The following SPOCK3 variants were observed in gnomAD, a reference collection of about 807,000 sequenced individuals.
The protein encoded by SPOCK3 is SPARC (osteonectin), cwcv and kazal like domains proteoglycan 3.
Under a neutral mutation model 56.6 loss-of-function variants are expected in SPOCK3, and 30 were observed. The ratio of observed to expected loss-of-function variants is 0.53; its 90% CI spans 0.40 to 0.72. SPOCK3 has a LOEUF of 0.72. Ranked by LOEUF, SPOCK3 falls within the 30% of genes least tolerant of loss-of-function variation. SPOCK3 has a pLI of 0.00. For missense variants in SPOCK3, 527 were observed against 530.0 expected (o/e 0.99, Z 0.06); for synonymous variants, 196 against 183.3 (o/e 1.07, Z -0.56).
intron 6 of SPOCK3, among the ~76,000 whole-genome samples, chr4:166,873,161 C>G (rs1469131014): frequency 6.7e-6 from 1 of 149,334 alleles, no homozygotes; most frequent in Non-Finnish European, 1.5e-5. Flanking sequence ...GGGGACAAAC[C>G]AAACCAAAGC....
At chr4:167,193,608 T>C (rs911258611) in intron 2 of SPOCK3, among the ~76,000 whole-genome samples, 3 of 145,984 alleles carry the variant, frequency 2.1e-5, no homozygotes, top group Non-Finnish European at 4.5e-5. Flanking sequence ...CACTATATAT[T>C]TGTCTTTATC....
chr4:167,078,624 T>C (rs1289483612), intron 2 of SPOCK3, among the ~76,000 whole-genome samples: 2 of 151,800 alleles, frequency 1.3e-5, no homozygotes, highest in Non-Finnish European at 2.9e-5. Context: ...TATTAAGTTT[T>C]CTTTGAATAA....
At chr4:166,996,275 C>T (rs1032694649) in intron 4 of SPOCK3, among the ~76,000 whole-genome samples, 1 of 152,114 alleles carries the variant, frequency 6.6e-6, no homozygotes, top group Non-Finnish European at 1.5e-5. Flanking sequence ...CTTACTCTGT[C>T]TTATTATGCC....
At chr4:166,919,862 A>AT (rs1402041024) in intron 4 of SPOCK3, among the ~76,000 whole-genome samples, 3 of 152,110 alleles carry the variant, frequency 2.0e-5, no homozygotes, top group Non-Finnish European at 2.9e-5. Context: ...TTAGAAAGTT[A>AT]TTTTTTCTTT....
chr4:167,027,803 T>C (rs1751840778), intron 3 of SPOCK3, among the ~76,000 whole-genome samples: 1 of 152,050 alleles, frequency 6.6e-6, no homozygotes, highest in Non-Finnish European at 1.5e-5. Context: ...TCAAGTTGAG[T>C]AAGCCGAGGA....
intron 2 of SPOCK3, among the ~76,000 whole-genome samples, chr4:167,193,061 A>T (rs1407306418): frequency 1.4e-5 from 2 of 146,254 alleles, no homozygotes; most frequent in Non-Finnish European, 1.5e-5. Context: ...AAGAATGTGT[A>T]TTCTGCTGCT....
intron 2 of SPOCK3, among the ~76,000 whole-genome samples, chr4:167,188,041 T>C (rs1459090236): frequency 8.7e-6 from 1 of 115,520 alleles, no homozygotes; most frequent in Non-Finnish European, 1.8e-5. Context: ...CATAAAAGAG[T>C]CTGCTGCTAA....
chr4:166,872,053 CAT>C (rs200685162), intron 6 of SPOCK3, among the ~76,000 whole-genome samples: 3 of 24,236 alleles, frequency 1.2e-4, no homozygotes, highest in Admixed American at 4.2e-4. Context: ...AACACACAAA[CAT>C]ACACACACAC....
intron 6 of SPOCK3, among the ~76,000 whole-genome samples, chr4:166,831,076 C>A (rs1489236493): frequency 6.6e-6 from 1 of 151,836 alleles, no homozygotes; most frequent in Non-Finnish European, 1.5e-5. Context: ...AGCAAAATAT[C>A]AAAAACAAAT....
intron 2 of SPOCK3, among the ~76,000 whole-genome samples, chr4:167,195,087 C>G (rs1371896751): frequency 6.6e-6 from 1 of 152,070 alleles, no homozygotes; most frequent in East Asian, 1.9e-4. Flanking sequence ...GGCAGTACTG[C>G]CCCAGAGCAT....
chr4:166,910,695 T>A (rs1229910007), intron 5 of SPOCK3, among the ~76,000 whole-genome samples: 2 of 152,136 alleles, frequency 1.3e-5, no homozygotes, highest in African/African-American at 4.8e-5. Context: ...CCCAAAAATG[T>A]CAGCAGAAGC....
intron 7 of SPOCK3, among the ~76,000 whole-genome samples, chr4:166,765,435 A>T (rs1343723943): frequency 6.6e-6 from 1 of 152,160 alleles, no homozygotes; most frequent in East Asian, 1.9e-4. Context: ...ACCATTTATT[A>T]AAAAGGGAAT....
At chr4:167,012,832 G>A (rs969557245) in intron 3 of SPOCK3, among the ~76,000 whole-genome samples, 5 of 151,836 alleles carry the variant, frequency 3.3e-5, no homozygotes. Flanking sequence ...TTCTTTCATT[G>A]TAACTCTATG....
chr4:167,138,180 G>A (rs1763268004), intron 2 of SPOCK3, among the ~76,000 whole-genome samples: 1 of 151,580 alleles, frequency 6.6e-6, no homozygotes, highest in Admixed American at 6.6e-5. Flanking sequence ...ATTTTTCATA[G>A]TATCTACAGA....
chr4:166,789,759 A>G lies in SPOCK3; in HGVS notation c.709+2411T>C, dbSNP rs530199250. ...TAATGGCATATTCATCAGAATGGAAAAGTTAAAATGAATGGTAATATTTTT... is the reference window on the plus strand; with the variant it reads ...TAATGGCATATTCATCAGAATGGAAGAGTTAAAATGAATGGTAATATTTTT... On this transcript the variant is annotated intron_variant, in intron 7 of 10. Coordinates refer to ENST00000357545, the MANE Select transcript of SPOCK3 (RefSeq NM_001040159.2). Among the ~76,000 whole-genome samples the G allele has an allele frequency of 2.6e-5, 4 of 152,326 alleles. No individual in the cohort carries two copies. In the South Asian group the frequency reaches 8.3e-4, roughly 32 times the overall value.
chr4:167,020,775 ATAACCATAT>A (rs1751090359), intron 3 of SPOCK3, among the ~76,000 whole-genome samples: 1 of 152,040 alleles, frequency 6.6e-6, no homozygotes, highest in Non-Finnish European at 1.5e-5. Context: ...TTTCCATGAA[ATAACCATAT>A]CCTTACTTCC....
At chr4:166,774,343 AG>A (rs1739291249) in intron 7 of SPOCK3, among the ~76,000 whole-genome samples, 1 of 152,120 alleles carries the variant, frequency 6.6e-6, no homozygotes, top group African/African-American at 2.4e-5. Flanking sequence ...CAGGTTTTAA[AG>A]GCTTCATCTA....
At chr4:166,825,284 T>C (rs1175891994) in intron 6 of SPOCK3, among the ~76,000 whole-genome samples, 1 of 152,090 alleles carries the variant, frequency 6.6e-6, no homozygotes, top group Non-Finnish European at 1.5e-5. Context: ...ACTATTAAGA[T>C]TCTCTTATTG....
intron 6 of SPOCK3, among the ~76,000 whole-genome samples, chr4:166,795,762 G>A (rs983162548): frequency 1.3e-5 from 2 of 151,598 alleles, no homozygotes; most frequent in African/African-American, 4.8e-5. Context: ...TTTTTTTCAG[G>A]TGTCAAACTT....
Sources: gnomAD v4.1 joint callset for allele counts (sites outside exome capture counted in the v4.1 genomes callset) on GRCh38, gnomAD v4.1.1 for gene constraint, MANE v1.5 for transcripts, NCBI Gene and HGNC (gene_info 2026-07-23, HGNC 2026-07-21) for gene names.